The following OPCML variants were observed in gnomAD, a reference collection of about 807,000 sequenced individuals.
The protein encoded by OPCML is opioid binding protein/cell adhesion molecule like.
Under a neutral mutation model 37.8 loss-of-function variants are expected in OPCML, and 13 were observed. The observed-to-expected ratio is 0.34, with a 90% CI of 0.22 to 0.55. The LOEUF (loss-of-function observed/expected upper bound fraction) is 0.55. Among genes scored for constraint, OPCML ranks in the 20% least tolerant of loss-of-function variants. OPCML has a pLI of 0.91. For missense variants in OPCML, 341 were observed against 435.6 expected, an observed-to-expected ratio of 0.78 and a Z score of 1.93; for synonymous variants, 176 against 168.8, an observed-to-expected ratio of 1.04 and a Z score of -0.33.
chr11:133,275,499 G>A (rs888847751), intron 1 of OPCML, among the ~76,000 whole-genome samples: 3 of 152,100 alleles, frequency 2.0e-5, no homozygotes, highest in African/African-American at 4.8e-5. Flanking sequence ...CCTCACAGGC[G>A]TGGGACTTCA....
chr11:133,069,044 T>C (rs1221491414), intron 1 of OPCML, among the ~76,000 whole-genome samples: 2 of 152,206 alleles, frequency 1.3e-5, no homozygotes, highest in East Asian at 1.9e-4. Flanking sequence ...TCTTAAATTG[T>C]AGAAGAAACT....
At chr11:133,157,837 C>A (rs957869000) in intron 1 of OPCML, among the ~76,000 whole-genome samples, 3 of 152,178 alleles carry the variant, frequency 2.0e-5, no homozygotes, top group African/African-American at 7.2e-5. Context: ...CCCATACTAC[C>A]TCCTCTTCTG....
intron 1 of OPCML, among the ~76,000 whole-genome samples, chr11:133,232,486 T>G (rs1565519551): frequency 6.6e-6 from 1 of 152,082 alleles, no homozygotes; most frequent in Non-Finnish European, 1.5e-5. Flanking sequence ...TATAAAGTCA[T>G]GACAGTTATT....
At chr11:132,972,677 C>G (rs1044756455) in intron 1 of OPCML, among the ~76,000 whole-genome samples, 1 of 152,206 alleles carries the variant, frequency 6.6e-6, no homozygotes, top group Non-Finnish European at 1.5e-5. Context: ...CTCTTTCAGA[C>G]TATTGCCACA....
intron 2 of OPCML, among the ~76,000 whole-genome samples, chr11:132,917,712 A>T (rs1944653237): frequency 6.6e-6 from 1 of 152,208 alleles, no homozygotes; most frequent in Non-Finnish European, 1.5e-5. Flanking sequence ...TGAAGGGCTC[A>T]CTACTGTACC....
chr11:133,385,314 T>C (rs1382612610), intron 1 of OPCML, among the ~76,000 whole-genome samples: 2 of 152,166 alleles, frequency 1.3e-5, no homozygotes, highest in African/African-American at 4.8e-5. Flanking sequence ...GCGAAGACCC[T>C]CTCAGATTCC....
At chr11:132,497,692 G>C (rs1940397) in intron 4 of OPCML, among the ~76,000 whole-genome samples, 4,698 of 152,088 alleles carry the variant, frequency 0.031, 225 homozygotes, top group African/African-American at 0.11. Flanking sequence ...AGCCCTTTTG[G>C]TCTCAAGTGG....
intron 1 of OPCML, among the ~76,000 whole-genome samples, chr11:133,170,266 G>A (rs907868416): frequency 6.6e-6 from 1 of 152,216 alleles, no homozygotes; most frequent in Non-Finnish European, 1.5e-5. Context: ...CACGAGGTCA[G>A]GAGATGGAGA....
intron 2 of OPCML, among the ~76,000 whole-genome samples, chr11:132,850,527 GTGT>G (rs1426720610): frequency 6.6e-6 from 1 of 151,944 alleles, no homozygotes; most frequent in Non-Finnish European, 1.5e-5. Context: ...GTGTGTGTGT[GTGT>G]GTGTGTGTGT....
intron 2 of OPCML, among the ~76,000 whole-genome samples, chr11:132,919,141 A>T (rs1944703411): frequency 6.6e-6 from 1 of 152,228 alleles, no homozygotes; most frequent in South Asian, 2.1e-4. Flanking sequence ...CCTGGATTTA[A>T]TCACAAGGTT....
intron 1 of OPCML, among the ~76,000 whole-genome samples, chr11:133,163,969 T>C (rs947916800): frequency 6.6e-6 from 1 of 152,206 alleles, no homozygotes. Flanking sequence ...TGAATGAGAT[T>C]GTCCCTCCCC....
intron 1 of OPCML, among the ~76,000 whole-genome samples, chr11:133,210,856 T>C (rs1390031889): frequency 6.6e-6 from 1 of 152,194 alleles, no homozygotes; most frequent in Non-Finnish European, 1.5e-5. Context: ...GAAGATTAAA[T>C]GTAGTGCCTG....
intron 1 of OPCML, among the ~76,000 whole-genome samples, chr11:133,091,692 C>T (rs1406323660): frequency 6.6e-6 from 1 of 152,148 alleles, no homozygotes; most frequent in African/African-American, 2.4e-5. Flanking sequence ...ATCTTATGAC[C>T]CTCCCACCAT....
At chr11:132,423,929 T>C (rs2095968760) in intron 7 of OPCML, among the ~76,000 whole-genome samples, 1 of 152,170 alleles carries the variant, frequency 6.6e-6, no homozygotes, top group African/African-American at 2.4e-5. Flanking sequence ...AGAGTCAGAT[T>C]GAGTACAGTT....
At chr11:133,286,282 C>T (rs1942294017) in intron 1 of OPCML, among the ~76,000 whole-genome samples, 1 of 151,896 alleles carries the variant, frequency 6.6e-6, no homozygotes, top group Admixed American at 6.6e-5. Context: ...AAACCCGTCT[C>T]TACTAAAAAT....
rs1189171704 is a variant in OPCML at position 132,419,304 on chromosome 11, G to A, written c.*889C>T. 6.6e-6 allele frequency: 1 copy of A among 152,220 alleles called. No individual in the cohort carries two copies. Among genetic ancestry groups the A allele is most frequent in the Non-Finnish European group, 1.5e-5 (1 of 68,054 alleles). 9.4% of individuals were successfully genotyped at this position (152,220 alleles called of 1,614,324 possible). A position where few individuals can be genotyped will look rare whatever the true frequency, so the allele number is the denominator to read the frequency against. On this transcript the variant is annotated 3_prime_UTR_variant, in exon 8 of 8. Transcript: ENST00000524381. The stretch of plus-strand genomic sequence containing the variant: ...GATAAACAGTAAATAGATTGCTAGA[G>A]AGGAAGACAGGTGGGTAGATAATTG...
intron 1 of OPCML, among the ~76,000 whole-genome samples, chr11:133,313,124 T>C (rs542359162): frequency 6.6e-6 from 1 of 152,356 alleles, no homozygotes; most frequent in South Asian, 2.1e-4. Flanking sequence ...TCTTTATTTA[T>C]ATGCGGTCTG....
chr11:132,878,136 C>T (rs1292075110), intron 2 of OPCML, among the ~76,000 whole-genome samples: 2 of 151,504 alleles, frequency 1.3e-5, no homozygotes, highest in Non-Finnish European at 2.9e-5. Flanking sequence ...GAGCAGAGAT[C>T]GCACTACTGT....
chr11:132,913,503 T>G (rs1381637229), intron 2 of OPCML, among the ~76,000 whole-genome samples: 1 of 152,200 alleles, frequency 6.6e-6, no homozygotes, highest in Non-Finnish European at 1.5e-5. Flanking sequence ...ACATTCCCCC[T>G]TTCTGTCTTT....
Sources: allele counts gnomAD v4.1 joint callset (sites outside exome capture counted in the v4.1 genomes callset), GRCh38; gene constraint gnomAD v4.1.1; transcripts MANE v1.5; gene names NCBI Gene and HGNC (gene_info 2026-07-23, HGNC 2026-07-21).